EIF4E1B: variants seen among roughly 807,000 people sequenced by gnomAD.
EIF4E1B encodes the protein eukaryotic translation initiation factor 4E family member 1B, also known as eukaryotic translation initiation factor 4E type 1B.
In EIF4E1B, 22 loss-of-function variants were observed where a neutral mutation model predicts 31.3. The observed-to-expected ratio is 0.70, with a 90% CI of 0.50 to 1.00. The LOEUF (loss-of-function observed/expected upper bound fraction) is 1.00, where lower values mean the gene tolerates loss of function less well. Among genes scored for constraint, EIF4E1B ranks in the 50% least tolerant of loss-of-function variants. EIF4E1B has a pLI of 0.00. For missense variants in EIF4E1B, 290 were observed against 311.6 expected (o/e 0.93, Z 0.52); for synonymous variants, 126 against 120.2 (o/e 1.05, Z -0.31).
Position 176,635,910 on chromosome 5 carries a change from G to A in EIF4E1B, c.-202+4846G>A, listed in dbSNP as rs143817016. 6.1e-3 allele frequency among the ~76,000 whole-genome samples: 930 copies of A among 151,918 alleles called. 10 individuals are homozygous for A. Among genetic ancestry groups the A allele is most frequent in the African/African-American group, 0.022 (893 of 41,418 alleles). On this transcript the variant is annotated intron_variant, in intron 1 of 8. Transcript: ENST00000318682. ...CGGCTCACTGCAACCTCTGCCTCCCGGGTTCAAGCTATTCTCTTGCCTCAG... is the reference window on the plus strand; with the variant it reads ...CGGCTCACTGCAACCTCTGCCTCCCAGGTTCAAGCTATTCTCTTGCCTCAG...
intron 3 of EIF4E1B, 63 bp downstream of exon 3, chr5:176,642,865 C>CTG (rs56115420): frequency 4.3e-6 from 5 of 1,169,740 alleles, no homozygotes; most frequent in Admixed American, 3.0e-5. Context: ...CCCCCCCCCC[C>CTG]GCCCCAGGTG....
intron 1 of EIF4E1B, among the ~76,000 whole-genome samples, chr5:176,632,719 C>T (rs890145949): frequency 6.6e-6 from 1 of 152,196 alleles, no homozygotes; most frequent in Non-Finnish European, 1.5e-5. Context: ...ATTTTAAGAA[C>T]TAGCATGGAG....
rs1194451685 is a variant in EIF4E1B at position 176,645,057 on chromosome 5, G to A, written c.361-73G>A. ...TAGGGCCTCAGCAGAGAGCGGATAA[G>A]GCCGGGATGGTGGGTGGGTCCCCAT... On this transcript the variant is annotated intron_variant, in intron 6 of 8. Transcript: ENST00000318682. This position sits in a 1 kb window ranked among gnomAD's most constrained non-coding sequence, Gnocchi z 5.4. The A allele has an allele frequency of 2.9e-6, 4 of 1,365,142 alleles. No individual in the cohort carries two copies. Among genetic ancestry groups the A allele is most frequent in the Non-Finnish European group, 4.0e-6 (4 of 989,800 alleles). The allele number at this position is 1,365,142 out of a possible 1,614,324, so 84.6% of individuals were successfully genotyped here.
rs749033271 is a variant in EIF4E1B, at chr5:176,645,359, C to A, written c.475-18C>A. 3 of 1,538,496 alleles carry A rather than the reference C, an allele frequency of 1.9e-6. No homozygotes were observed. In the African/African-American group the frequency reaches 4.1e-5, roughly 21 times the overall value. ...ATGTCCCAGCCGGTGATCTCACAAC[C>A]CCCTACTTCGGGTCCAGCTGCTGTG... is the stretch of plus-strand genomic sequence containing the variant. On this transcript the variant is annotated intron_variant, in intron 7 of 8. Coordinates refer to ENST00000318682, the MANE Select transcript of EIF4E1B (RefSeq NM_001099408.2). This position sits in a 1 kb window ranked among gnomAD's most constrained non-coding sequence, Gnocchi z 5.4.
chr5:176,638,524 G>A lies in EIF4E1B; in HGVS notation c.-201-3519G>A, dbSNP rs115907806. ...AGGGCATGGGGGAGAGTGTTCTTCTGTAGATAGGGTAGCAGTCAGGGAAGG... is the reference window on the plus strand; with the variant it reads ...AGGGCATGGGGGAGAGTGTTCTTCTATAGATAGGGTAGCAGTCAGGGAAGG... On this transcript the variant is annotated intron_variant, in intron 1 of 8. Transcript: ENST00000318682. The surrounding 1 kb of genome is among the most constrained non-coding windows in gnomAD (Gnocchi z 4.3). Among the ~76,000 whole-genome samples the A allele has an allele frequency of 6.6e-6, 1 of 152,210 alleles. No homozygotes were observed. The highest frequency in any genetic ancestry group is 6.5e-5 in the Admixed American group (1 of 15,282).
At chr5:176,636,251 C>T (rs141160249) in intron 1 of EIF4E1B, among the ~76,000 whole-genome samples, 5 of 152,370 alleles carry the variant, frequency 3.3e-5, no homozygotes, top group East Asian at 1.9e-4. Context: ...ACCCCTACCA[C>T]CCTTTAGAGC....
In EIF4E1B at chr5:176,643,719, T is replaced by C. The variant is rs772113105; in HGVS notation, c.281T>C (p.Val94Ala). The C allele has an allele frequency of 6.1e-5, 99 of 1,612,884 alleles. No individual in the cohort carries two copies. In the Admixed American group the frequency reaches 7.9e-4, roughly 13 times the overall value. ...NLHLVTKVDT[V>A]EDFWALYSHI... Reference sequence around the variant, plus strand: ...CACCTGGTCACCAAGGTGGACACTGTGGAGGACTTCTGGGCGTGAGTGTCT... The same window carrying C: ...CACCTGGTCACCAAGGTGGACACTGCGGAGGACTTCTGGGCGTGAGTGTCT... The change falls in exon 5 of 9, where the codon GTG becomes GCG. Residue 94 changes from valine (V) to alanine (A), a missense_variant. By Grantham distance (64) the Val-to-Ala change is moderately conservative. Transcript: ENST00000318682.
At position 176,646,019 on chromosome 5, in the gene EIF4E1B, G is replaced by A. The variant is rs540602818; in HGVS notation, c.*39G>A. The A allele has an allele frequency of 1.2e-5, 18 of 1,522,182 alleles. No individual in the cohort carries two copies. Among genetic ancestry groups the A allele is most frequent in the South Asian group, 5.9e-5 (5 of 84,374 alleles). 94.3% of individuals were successfully genotyped at this position (1,522,182 alleles called of 1,614,324 possible). On this transcript the variant is annotated 3_prime_UTR_variant, in exon 9 of 9. Transcript: ENST00000318682. The stretch of plus-strand genomic sequence containing the variant: ...ACCCCTCCTATGTAATGGGACAGCC[G>A]CCACTGAGCCTCATTACTTTGGGGG...
intron 5 of EIF4E1B, 140 bp from the exon 6 acceptor site, chr5:176,644,236 T>C (rs1200710067): frequency 2.5e-6 from 2 of 814,262 alleles, no homozygotes; most frequent in Non-Finnish European, 3.8e-6. Context: ...TAAACGGGAG[T>C]GGAATCCCAG....
rs547717746 is a variant in EIF4E1B, at chr5:176,638,402, C to T, written c.-201-3641C>T. On this transcript the variant is annotated intron_variant, in intron 1 of 8. Transcript: ENST00000318682. This position sits in a 1 kb window ranked among gnomAD's most constrained non-coding sequence, Gnocchi z 4.3. Reference sequence around the variant, plus strand: ...GCTCCCCAGAGCCTAAAATGGTGTCCGGCACAAAGTAATTGGTAGGTCATT... The same window carrying T: ...GCTCCCCAGAGCCTAAAATGGTGTCTGGCACAAAGTAATTGGTAGGTCATT... Among the ~76,000 whole-genome samples the T allele has an allele frequency of 5.5e-4, 83 of 152,222 alleles. No homozygotes were observed. Among genetic ancestry groups the T allele is most frequent in the Admixed American group, 4.5e-3 (69 of 15,280 alleles).
In EIF4E1B at chr5:176,638,593, G is replaced by A. The variant is rs1339108606; in HGVS notation, c.-201-3450G>A. On this transcript the variant is annotated intron_variant, in intron 1 of 8. Transcript: ENST00000318682. The surrounding 1 kb of genome is among the most constrained non-coding windows in gnomAD (Gnocchi z 4.3). The stretch of plus-strand genomic sequence containing the variant: ...ATTTGAGCCAAGCCCAGAAGGACAA[G>A]GAGAAGTTCTGTAAAAAGTTGCAGA... Among the ~76,000 whole-genome samples the A allele has an allele frequency of 6.6e-6, 1 of 152,198 alleles. No individual in the cohort carries two copies. The highest frequency in any genetic ancestry group is 1.5e-5 in the Non-Finnish European group (1 of 68,048).
At chr5:176,640,307 C>CTGTAAGCCTGGA (rs1233245152) in intron 1 of EIF4E1B, among the ~76,000 whole-genome samples, 1 of 152,214 alleles carries the variant, frequency 6.6e-6, no homozygotes, top group African/African-American at 2.4e-5. Flanking sequence ...TGACTCCAGC[C>CTGTAAGCCTGGA]CCAACCTGTA....
Position 176,645,659 on chromosome 5 carries a change from CTG to C in EIF4E1B, c.614+144_614+145del. The stretch of plus-strand genomic sequence containing the variant: ...TGCCTTGCCCACCTGTATGGAAGGT[CTG>C]GCGTTCAGATTTCTAACTTTCTCTT... On this transcript the variant is annotated intron_variant, in intron 8 of 8. Transcript: ENST00000318682. The surrounding 1 kb of genome is among the most constrained non-coding windows in gnomAD (Gnocchi z 5.4). 7.8e-7 allele frequency: 1 copy of C among 1,281,660 alleles called. No individual in the cohort carries two copies. The highest frequency in any genetic ancestry group is 1.0e-6 in the Non-Finnish European group (1 of 956,312). The allele number at this position is 1,281,660 out of a possible 1,614,324, so 79.4% of individuals were successfully genotyped here.
At chr5:176,639,329 G>C (rs1377719808) in intron 1 of EIF4E1B, among the ~76,000 whole-genome samples, 1 of 152,190 alleles carries the variant, frequency 6.6e-6, no homozygotes. Flanking sequence ...TGGGATTTAA[G>C]AGCCCCTGCT....
Position 176,645,121 on chromosome 5 carries a change from GC to G in EIF4E1B, c.361-7del. 6.4e-7 allele frequency: 1 copy of G among 1,554,368 alleles called. No individual in the cohort carries two copies. The highest frequency in any genetic ancestry group is 8.7e-7 in the Non-Finnish European group (1 of 1,148,500). On this transcript the variant is annotated splice_region_variant and splice_polypyrimidine_tract_variant and intron_variant, in intron 6 of 8. Coordinates refer to ENST00000318682, the MANE Select transcript of EIF4E1B (RefSeq NM_001099408.2). The surrounding 1 kb of genome is among the most constrained non-coding windows in gnomAD (Gnocchi z 5.4). ...CAGGGAGGCAGTTGACTTGCCATCT[GC>G]CTTGCAGGATGGCATCCAGCCCATG... is the stretch of plus-strand genomic sequence containing the variant.
rs1056566881 is a variant in EIF4E1B at position 176,638,852 on chromosome 5, G to A, written c.-201-3191G>A. Among the ~76,000 whole-genome samples, 1 of 152,178 alleles carries A rather than the reference G, an allele frequency of 6.6e-6. No homozygotes were observed. The highest frequency in any genetic ancestry group is 1.5e-5 in the Non-Finnish European group (1 of 68,030). ...TGCAATGGTGCGATCTCGGCTCACT[G>A]CAACCTCTACCTCCCCAATTCAAGT... is the stretch of plus-strand genomic sequence containing the variant. On this transcript the variant is annotated intron_variant, in intron 1 of 8. Coordinates refer to ENST00000318682, the MANE Select transcript of EIF4E1B (RefSeq NM_001099408.2). The surrounding 1 kb of genome is among the most constrained non-coding windows in gnomAD (Gnocchi z 4.3).
intron 3 of EIF4E1B, 126 bp from the exon 4 acceptor site, chr5:176,642,956 G>A (rs1016684872): frequency 6.7e-7 from 1 of 1,488,328 alleles, no homozygotes; most frequent in African/African-American, 1.4e-5. Flanking sequence ...TTTGAGCTGG[G>A]CATGGCTACT....
chr5:176,645,981 G>T lies in EIF4E1B; in HGVS notation c.*1G>T. On this transcript the variant is annotated 3_prime_UTR_variant, in exon 9 of 9. Coordinates refer to ENST00000318682, the MANE Select transcript of EIF4E1B (RefSeq NM_001099408.2). This position sits in a 1 kb window ranked among gnomAD's most constrained non-coding sequence, Gnocchi z 5.4. ...AGCCAAGAACAAGTTTGTGGTGTGA[G>T]GGGGGCCTTGGCACCCCTCCTATGT... 6.3e-7 allele frequency: 1 copy of T among 1,595,820 alleles called. No individual in the cohort carries two copies. The highest frequency in any genetic ancestry group is 2.3e-5 in the East Asian group (1 of 43,814).
intron 5 of EIF4E1B, 188 bp downstream of exon 5, chr5:176,643,922 G>C: frequency 1.6e-6 from 1 of 622,182 alleles, no homozygotes; most frequent in Non-Finnish European, 2.8e-6. Context: ...CTCAGGGAGA[G>C]AGCCTGGGGA....
Sources: allele counts gnomAD v4.1 joint callset (sites outside exome capture counted in the v4.1 genomes callset), GRCh38; gene constraint gnomAD v4.1.1; non-coding constraint Gnocchi (gnomAD v3.1); transcripts MANE v1.5; gene names NCBI Gene and HGNC (gene_info 2026-07-23, HGNC 2026-07-21).